The following PANK3 variants were observed in gnomAD, a reference collection of about 807,000 sequenced individuals.
PANK3 encodes hPanK3.
A neutral mutation model predicts 39.4 loss-of-function variants in PANK3; 20 were observed. That is an observed-to-expected ratio of 0.51 (90% CI 0.36 to 0.74). The LOEUF is 0.74. Among genes scored for constraint, PANK3 ranks in the 30% least tolerant of loss-of-function variants. The pLI is 0.00. For synonymous variants in PANK3, 140 were observed against 157.3 expected (o/e 0.89, Z 0.82); for missense variants, 265 against 437.0 (o/e 0.61, Z 3.51).
chr5:168,565,688 T>C (rs1420302236), intron 3 of PANK3, among the ~76,000 whole-genome samples: 1 of 151,634 alleles, frequency 6.6e-6, no homozygotes, highest in Non-Finnish European at 1.5e-5. Flanking sequence ...AAACATTTAA[T>C]AATTTCAGTT....
At position 168,566,084 on chromosome 5, in the gene PANK3, C is replaced by T; in HGVS notation, c.564G>A (p.Val188=). Residue 188 remains valine (V), a synonymous_variant, in exon 3 of 7, where the codon GTG becomes GTA. Coordinates refer to ENST00000239231, the MANE Select transcript of PANK3 (RefSeq NM_024594.4). ...NLDDPYPLLV[V]NIGSGVSILA... Reference sequence around the variant, plus strand: ...AAATACTGACTCCTGAGCCAATGTTCACTACAAGCAGTGGATAGGGATCAT... The same window carrying T: ...AAATACTGACTCCTGAGCCAATGTTTACTACAAGCAGTGGATAGGGATCAT... 1 of 1,613,812 alleles carries T rather than the reference C, an allele frequency of 6.2e-7. No homozygotes were observed. The highest frequency in any genetic ancestry group is 1.1e-5 in the South Asian group (1 of 91,066).
At chr5:168,562,155 C>T (rs1053462041) in intron 4 of PANK3, among the ~76,000 whole-genome samples, 4 of 152,080 alleles carry the variant, frequency 2.6e-5, no homozygotes, top group African/African-American at 9.7e-5. Context: ...ACAATGCAGG[C>T]CTACATACAA....
intron 1 of PANK3, among the ~76,000 whole-genome samples, chr5:168,576,691 A>T (rs1759735572): frequency 6.6e-6 from 1 of 152,170 alleles, no homozygotes; most frequent in African/African-American, 2.4e-5. Flanking sequence ...TTTAGCCAAT[A>T]TAATATACAG....
rs529003000 is a variant in PANK3, at chr5:168,550,445, T to C, written c.*7126A>G. ...AATTTTTTGTACAATGAAAAAGTCA[T>C]AATGCCCATATAATTCTGAAGTTAA... On this transcript the variant is annotated 3_prime_UTR_variant, in exon 7 of 7. Transcript: ENST00000239231. 51 of 152,344 alleles carry C rather than the reference T, an allele frequency of 3.3e-4. No individual in the cohort carries two copies. Among genetic ancestry groups the C allele is most frequent in the African/African-American group, 1.2e-3 (50 of 41,594 alleles). 9.4% of individuals were successfully genotyped at this position (152,344 alleles called of 1,614,324 possible).
rs1759289476 is a variant in PANK3, at chr5:168,552,574, C to T, written c.*4997G>A. 4.9e-6 allele frequency: 1 copy of T among 204,008 alleles called. No individual in the cohort carries two copies. The highest frequency in any genetic ancestry group is 1.1e-5 in the Non-Finnish European group (1 of 87,620). 12.6% of individuals were successfully genotyped at this position (204,008 alleles called of 1,614,324 possible). ...TATTGCAAACTGAAGAGTGTGGCCA[C>T]AGTATTCCAGGGAACGGAGTCTGGT... On this transcript the variant is annotated 3_prime_UTR_variant, in exon 7 of 7. Coordinates refer to ENST00000239231, the MANE Select transcript of PANK3 (RefSeq NM_024594.4).
In PANK3 at chr5:168,554,006, T is replaced by C. The variant is rs1305418197; in HGVS notation, c.*3565A>G. 1 of 152,256 alleles carries C rather than the reference T, an allele frequency of 6.6e-6. No homozygotes were observed. The highest frequency in any genetic ancestry group is 1.5e-5 in the Non-Finnish European group (1 of 68,050). The allele number at this position is 152,256 out of a possible 1,614,324, so 9.4% of individuals were successfully genotyped here. ...TAATAGATGAGCTATTTTGAAACTTTGTGGGAGTCTGAGGCAATACTGCAG... is the reference window on the plus strand; with the variant it reads ...TAATAGATGAGCTATTTTGAAACTTCGTGGGAGTCTGAGGCAATACTGCAG... On this transcript the variant is annotated 3_prime_UTR_variant, in exon 7 of 7. Coordinates refer to ENST00000239231, the MANE Select transcript of PANK3 (RefSeq NM_024594.4).
Position 168,563,968 on chromosome 5 carries a change from G to C in PANK3, c.733C>G (p.Gln245Glu), listed in dbSNP as rs780398538. 6.2e-7 allele frequency: 1 copy of C among 1,613,536 alleles called. No individual in the cohort carries two copies. The highest frequency in any genetic ancestry group is 8.5e-7 in the Non-Finnish European group (1 of 1,179,760). The change falls in exon 4 of 7, where the codon CAA becomes GAA. Residue 245 changes from glutamine to glutamate, a missense_variant. Coordinates refer to ENST00000239231, the MANE Select transcript of PANK3 (RefSeq NM_024594.4). ...ATATCACGGACCAGCTTGTCAGCTT[G>C]TGTGCTATCACCTTTGGATGCCATT... is the stretch of plus-strand genomic sequence containing the variant. ...LEMASKGDST[Q>E]ADKLVRDIYG...
chr5:168,571,779 C>G (rs918201807), intron 1 of PANK3, among the ~76,000 whole-genome samples: 3 of 152,014 alleles, frequency 2.0e-5, no homozygotes, highest in Non-Finnish European at 4.4e-5. Flanking sequence ...ATTTTTAATA[C>G]GAGGAAGGAG....
intron 1 of PANK3, among the ~76,000 whole-genome samples, chr5:168,569,867 T>A (rs535426393): frequency 6.6e-6 from 1 of 151,916 alleles, no homozygotes; most frequent in East Asian, 2.0e-4. Context: ...GCCTTGGCAA[T>A]ATAACAAGAT....
chr5:168,561,139 TTTAGG>T (rs1759440940), intron 5 of PANK3, among the ~76,000 whole-genome samples: 1 of 152,202 alleles, frequency 6.6e-6, no homozygotes, highest in South Asian at 2.1e-4. Context: ...CCTCAAGGGA[TTTAGG>T]TTGTGTTTTT....
chr5:168,566,627 T>C (rs962350809), intron 2 of PANK3, among the ~76,000 whole-genome samples: 11 of 152,210 alleles, frequency 7.2e-5, no homozygotes, highest in Non-Finnish European at 1.5e-4. Flanking sequence ...ATAGTGGCAG[T>C]AGGAAAATTA....
chr5:168,566,875 TGGGATTGCA>T (rs1175785519), intron 2 of PANK3, among the ~76,000 whole-genome samples: 2 of 152,138 alleles, frequency 1.3e-5, no homozygotes, highest in Non-Finnish European at 2.9e-5. Flanking sequence ...CTCAAGTAGC[TGGGATTGCA>T]GGCGCCCGCC....
At chr5:168,573,661 T>A (rs1415185012) in intron 1 of PANK3, among the ~76,000 whole-genome samples, 2 of 73,542 alleles carry the variant, frequency 2.7e-5, no homozygotes, top group Non-Finnish European at 5.1e-5. Context: ...ATGCTATCCC[T>A]CCCCCCTCCC....
chr5:168,561,249 A>G, intron 5 of PANK3, 144 bp downstream of exon 5: 1 of 601,854 alleles, frequency 1.7e-6, no homozygotes, highest in Admixed American at 3.3e-5. Context: ...CGTAACATAT[A>G]TACCTAATGA....
chr5:168,550,633 C>G lies in PANK3; in HGVS notation c.*6938G>C, dbSNP rs879266993. ...CTACTGGTTTGGTGAGAATCCAATA[C>G]CTAGTACCTATCAAATATATACCAA... On this transcript the variant is annotated 3_prime_UTR_variant, in exon 7 of 7. Transcript: ENST00000239231. The G allele has an allele frequency of 6.6e-6, 1 of 152,100 alleles. No individual in the cohort carries two copies. The highest frequency in any genetic ancestry group is 2.1e-4 in the South Asian group (1 of 4,812). 9.4% of individuals were successfully genotyped at this position (152,100 alleles called of 1,614,324 possible).
chr5:168,569,004 G>A lies in PANK3; in HGVS notation c.29-6C>T, dbSNP rs749222370. The stretch of plus-strand genomic sequence containing the variant: ...CATGCCAAACCATGGGAAAGCTATG[G>A]GAGGAAAAAAAAAAAAAAAAAAAAA... On this transcript the variant is annotated splice_polypyrimidine_tract_variant and splice_region_variant and intron_variant, in intron 1 of 6. Coordinates refer to ENST00000239231, the MANE Select transcript of PANK3 (RefSeq NM_024594.4). The A allele has an allele frequency of 4.8e-6, 3 of 625,534 alleles. No individual in the cohort carries two copies. The highest frequency in any genetic ancestry group is 6.4e-6 in the Non-Finnish European group (3 of 467,898). 38.7% of individuals were successfully genotyped at this position (625,534 alleles called of 1,614,324 possible).
Position 168,557,540 on chromosome 5 carries a change from C to T in PANK3, c.*31G>A, listed in dbSNP as rs2059914092. The stretch of plus-strand genomic sequence containing the variant: ...TCTGGTTTTAGTTCCTCTTGGATGA[C>T]ATTTATTAGCAGAGAGAGAGACCTG... On this transcript the variant is annotated 3_prime_UTR_variant, in exon 7 of 7. Coordinates refer to ENST00000239231, the MANE Select transcript of PANK3 (RefSeq NM_024594.4). 6.3e-7 allele frequency: 1 copy of T among 1,598,454 alleles called. No homozygotes were observed. The highest frequency in any genetic ancestry group is 8.6e-7 in the Non-Finnish European group (1 of 1,167,062).
rs1759261527 is a variant in PANK3 at position 168,550,561 on chromosome 5, T to C, written c.*7010A>G. 6.6e-6 allele frequency: 1 copy of C among 152,206 alleles called. No homozygotes were observed. Among genetic ancestry groups the C allele is most frequent in the African/African-American group, 2.4e-5 (1 of 41,470 alleles). 9.4% of individuals were successfully genotyped at this position (152,206 alleles called of 1,614,324 possible). A position where few individuals can be genotyped will look rare whatever the true frequency, so the allele number is the denominator to read the frequency against. On this transcript the variant is annotated 3_prime_UTR_variant, in exon 7 of 7. Coordinates refer to ENST00000239231, the MANE Select transcript of PANK3 (RefSeq NM_024594.4). Reference sequence around the variant, plus strand: ...ACCTTTCATATTACTTTAAGGTATATCTACCTGGCCATTACAGGCAATCAC... The same window carrying C: ...ACCTTTCATATTACTTTAAGGTATACCTACCTGGCCATTACAGGCAATCAC...
Position 168,553,513 on chromosome 5 carries a change from C to G in PANK3, c.*4058G>C. 1 of 349,272 alleles carries G rather than the reference C, an allele frequency of 2.9e-6. No homozygotes were observed. The allele number at this position is 349,272 out of a possible 1,614,324, so 21.6% of individuals were successfully genotyped here. ...TCATATCACCATTGGGGAAGATGGC[C>G]ACAGACAAGGGCCAGGGGGACATGA... On this transcript the variant is annotated 3_prime_UTR_variant, in exon 7 of 7. Coordinates refer to ENST00000239231, the MANE Select transcript of PANK3 (RefSeq NM_024594.4).
Sources: allele counts gnomAD v4.1 joint callset (sites outside exome capture counted in the v4.1 genomes callset), GRCh38; gene constraint gnomAD v4.1.1; transcripts MANE v1.5; gene names NCBI Gene and HGNC (gene_info 2026-07-23, HGNC 2026-07-21).